The following USH1C variants were observed in gnomAD, a reference collection of about 807,000 sequenced individuals.
USH1C encodes the protein harmonin.
USH1C carries 90 observed loss-of-function variants against 119.3 expected under a neutral mutation model. The observed-to-expected ratio is 0.75, with a 90% CI of 0.64 to 0.90. The LOEUF (loss-of-function observed/expected upper bound fraction) is 0.90. Among genes scored for constraint, USH1C ranks in the 40% least tolerant of loss-of-function variants. The pLI is 0.00. For missense variants in USH1C, 1,165 were observed against 1,167.7 expected (o/e 1.00, Z 0.03); for synonymous variants, 465 against 443.3 (o/e 1.05, Z -0.62).
intron 26 of USH1C, chr11:17,494,880 A>AAAC: frequency 4.1e-6 from 1 of 246,114 alleles, no homozygotes; most frequent in South Asian, 6.0e-5. Flanking sequence ...ACAGGGTGAG[A>AAAC]AACACATCCT....
chr11:17,504,842 G>A, intron 19 of USH1C, 145 bp from the exon 20 acceptor site: 1 of 755,726 alleles, frequency 1.3e-6, no homozygotes, highest in Non-Finnish European at 2.3e-6. Context: ...TTAAAGGCCT[G>A]CTCAATGCCC....
At position 17,510,419 on chromosome 11, in the gene USH1C, T is replaced by A. The variant is rs868001349; in HGVS notation, c.1516A>T (p.Asn506Tyr). ...TRLEQISSAD[N>Y]EISEMTTGPP... ...GGCTCTGTTACCTCTGAAATCTCAT[T>A]ATCAGCAGAGGAAATCTGCTCGAGG... Residue 506 changes from asparagine (N) to tyrosine (Y), a missense_variant, in exon 17 of 27, where the codon AAT becomes TAT. By Grantham distance (143) the Asn-to-Tyr change is moderately radical. Transcript: ENST00000005226. 2 of 1,611,828 alleles carry A rather than the reference T, an allele frequency of 1.2e-6. No homozygotes were observed. The highest frequency in any genetic ancestry group is 1.7e-6 in the Non-Finnish European group (2 of 1,179,344).
At chr11:17,525,072 C>T (rs111424191) in intron 8 of USH1C, among the ~76,000 whole-genome samples, 3,852 of 152,286 alleles carry the variant, frequency 0.025, 171 homozygotes, top group African/African-American at 0.087. Context: ...ATGACATTTA[C>T]GGCAAGGATG....
chr11:17,544,214 A>G, intron 1 of USH1C, 58 bp downstream of exon 1: 1 of 1,610,128 alleles, frequency 6.2e-7, no homozygotes, highest in Non-Finnish European at 8.5e-7. Context: ...TCCACCCCCT[A>G]CCCACCGCGC....
chr11:17,542,699 G>T (rs1202473373), intron 1 of USH1C, among the ~76,000 whole-genome samples: 1 of 152,208 alleles, frequency 6.6e-6, no homozygotes, highest in Non-Finnish European at 1.5e-5. Flanking sequence ...CAGGCCAGGG[G>T]CAGGAAACTG....
Position 17,531,463 on chromosome 11 carries a change from T to A in USH1C, c.184A>T (p.Ile62Phe). 1 of 1,614,056 alleles carries A rather than the reference T, an allele frequency of 6.2e-7. No individual in the cohort carries two copies. Among genetic ancestry groups the A allele is most frequent in the Non-Finnish European group, 8.5e-7 (1 of 1,180,024 alleles). Reference protein sequence around the residue: ...EPSRLPLFDAIRPLIPLKHQV... With the variant: ...EPSRLPLFDAFRPLIPLKHQV... ...TGCTTCAGTGGGATCAGCGGCCGAA[T>A]GGCATCAAACAGAGGCAGACGGCTG... The change falls in exon 3 of 27, where the codon ATT (isoleucine) becomes TTT (phenylalanine). Residue 62 changes from isoleucine (I) to phenylalanine (F), a missense_variant. Coordinates refer to ENST00000005226, the MANE Select transcript of USH1C (RefSeq NM_153676.4). The surrounding 1 kb of genome is among the most constrained non-coding windows in gnomAD (Gnocchi z 4.2).
At position 17,531,409 on chromosome 11, in the gene USH1C, G is replaced by A. The variant is rs774005703; in HGVS notation, c.238C>T (p.Arg80Trp). Residue 80 changes from arginine (R) to tryptophan (W), a missense_variant, in exon 3 of 27, where the codon CGG (arginine) becomes TGG (tryptophan). Transcript: ENST00000005226. This position sits in a 1 kb window ranked among gnomAD's most constrained non-coding sequence, Gnocchi z 4.2. Reference protein sequence around the residue: ...HQVEYDQLTPRRSRKLKEVRL... With the variant: ...HQVEYDQLTPWRSRKLKEVRL... ...TGGCTTCCTCTGCACCTGGAGCGCC[G>A]GGGGGTCAGCTGATCATATTCCACC... 1.1e-5 allele frequency: 17 copies of A among 1,613,422 alleles called. No homozygotes were observed. In the African/African-American group the frequency reaches 1.2e-4, roughly 11 times the overall value.
chr11:17,504,759 CT>C, intron 19 of USH1C, 62 bp from the exon 20 acceptor site: 1 of 1,573,528 alleles, frequency 6.4e-7, no homozygotes, highest in Non-Finnish European at 8.7e-7. Context: ...TGGCTGCCCC[CT>C]GGTGCCAGGC....
chr11:17,531,542 C>T lies in USH1C; in HGVS notation c.105G>A (p.Gln35=). The change falls in exon 3 of 27, where the codon CAG becomes CAA. Residue 35 remains glutamine, a splice_region_variant and synonymous_variant. Transcript: ENST00000005226. The surrounding 1 kb of genome is among the most constrained non-coding windows in gnomAD (Gnocchi z 4.2). ...CCACGAGCACGGCCACGTCCATGGTCCTGTGGAGATGCCGGGAATGCCTGG... is the reference window on the plus strand; with the variant it reads ...CCACGAGCACGGCCACGTCCATGGTTCTGTGGAGATGCCGGGAATGCCTGG... The part of the protein sequence containing the change: ...YLYDVLRMYH[Q]TMDVAVLVGD... The T allele has an allele frequency of 6.2e-7, 1 of 1,613,130 alleles. No individual in the cohort carries two copies. The highest frequency in any genetic ancestry group is 1.1e-5 in the South Asian group (1 of 91,020).
intron 16 of USH1C, among the ~76,000 whole-genome samples, chr11:17,511,027 T>C (rs1392690542): frequency 9.2e-5 from 14 of 152,208 alleles, no homozygotes; most frequent in East Asian, 3.9e-4. Flanking sequence ...TCTAATCAAA[T>C]TGGCATTCTG....
chr11:17,504,720 G>A (rs1591969207), intron 19 of USH1C, 23 bp from the exon 20 acceptor site: 1 of 1,591,784 alleles, frequency 6.3e-7, no homozygotes, highest in Non-Finnish European at 8.6e-7. Flanking sequence ...AAAAAAAAAA[G>A]TTCCACATTG....
rs566141854 is a variant in USH1C, at chr11:17,496,485, A to G, written c.2546+273T>C. Among the ~76,000 whole-genome samples the G allele has an allele frequency of 1.6e-4, 25 of 152,362 alleles. No individual in the cohort carries two copies. The South Asian group carries it at 4.1e-3, about 25-fold the overall frequency. ...TTAACAATCCTGAGTCTTTTTCCCAACGTCTCTGCTTACCCGGTCTAAGAC... is the reference window on the plus strand; with the variant it reads ...TTAACAATCCTGAGTCTTTTTCCCAGCGTCTCTGCTTACCCGGTCTAAGAC... On this transcript the variant is annotated intron_variant, in intron 25 of 26. Coordinates refer to ENST00000005226, the MANE Select transcript of USH1C (RefSeq NM_153676.4).
At chr11:17,529,301 A>G (rs1358710143) in intron 4 of USH1C, among the ~76,000 whole-genome samples, 1 of 152,228 alleles carries the variant, frequency 6.6e-6, no homozygotes, top group Non-Finnish European at 1.5e-5. Context: ...CTTGGGGAAA[A>G]AAAAACAAAA....
intron 8 of USH1C, among the ~76,000 whole-genome samples, chr11:17,526,114 T>C (rs1850656555): frequency 6.6e-6 from 1 of 152,136 alleles, no homozygotes; most frequent in South Asian, 2.1e-4. Flanking sequence ...GGTGGGAGGA[T>C]TGCTTGAGCT....
intron 8 of USH1C, among the ~76,000 whole-genome samples, chr11:17,526,076 C>T (rs911354973): frequency 1.3e-5 from 2 of 152,192 alleles, no homozygotes; most frequent in Non-Finnish European, 2.9e-5. Flanking sequence ...CAGTGTGTTC[C>T]TGTAGATCCA....
intron 15 of USH1C, among the ~76,000 whole-genome samples, chr11:17,515,158 C>G (rs1243972608): frequency 1.3e-5 from 2 of 151,910 alleles, no homozygotes; most frequent in East Asian, 3.9e-4. Context: ...AATGAGGCAT[C>G]CTAAGCCACC....
In USH1C at chr11:17,509,546, G is replaced by A. The variant is rs41282932; in HGVS notation, c.1823C>T (p.Pro608Leu). The A allele has an allele frequency of 3.9e-5, 63 of 1,602,700 alleles. No individual in the cohort carries two copies. In the African/African-American group the frequency reaches 4.3e-4, roughly 11 times the overall value. ...GAGGTCTTGGGTGGGAACGGATGGC[G>A]GGGGAGGGATGGGAATGGGGGGTGG... is the stretch of plus-strand genomic sequence containing the variant. ...RTPPPIPIPP[P>L]PSVPTQDLTP... Residue 608 changes from proline to leucine, a missense_variant, in exon 18 of 27, where the codon CCG becomes CTG. Transcript: ENST00000005226.
At position 17,522,653 on chromosome 11, in the gene USH1C, C is replaced by G. The variant is rs971165346; in HGVS notation, c.1019+131G>C. 3.9e-5 allele frequency: 54 copies of G among 1,378,538 alleles called. 1 individual carries two copies. Among genetic ancestry groups the G allele is most frequent in the South Asian group, 8.2e-5 (7 of 84,988 alleles). 85.4% of individuals were successfully genotyped at this position (1,378,538 alleles called of 1,614,324 possible). A position where few individuals can be genotyped will look rare whatever the true frequency, so the allele number is the denominator to read the frequency against. On this transcript the variant is annotated intron_variant, in intron 12 of 26. Transcript: ENST00000005226. ...TACGCTGACCTACCACCAAACTCAT[C>G]TGGTCTGAGGACTGGCCTCCAGGGA... is the stretch of plus-strand genomic sequence containing the variant.
At chr11:17,521,990 A>G (rs756799206) in intron 12 of USH1C, among the ~76,000 whole-genome samples, 1 of 151,938 alleles carries the variant, frequency 6.6e-6, no homozygotes, top group Non-Finnish European at 1.5e-5. Context: ...CACTATGCCC[A>G]GCTAATTTTT....
Sources: allele counts gnomAD v4.1 joint callset (sites outside exome capture counted in the v4.1 genomes callset), GRCh38; gene constraint gnomAD v4.1.1; non-coding constraint Gnocchi (gnomAD v3.1); transcripts MANE v1.5; gene names NCBI Gene and HGNC (gene_info 2026-07-23, HGNC 2026-07-21).